Variants in TMEM178B observed in about 807,000 individuals in gnomAD.
TMEM178B encodes transmembrane protein 178B.
A neutral mutation model predicts 31.0 loss-of-function variants in TMEM178B; 5 were observed. The observed-to-expected ratio is 0.16, with a 90% CI of 0.08 to 0.34. The LOEUF is 0.34. Ranked by LOEUF, TMEM178B falls within the 10% of genes least tolerant of loss-of-function variation. TMEM178B has a pLI of 1.00. For missense variants in TMEM178B, 275 were observed against 400.3 expected, an observed-to-expected ratio of 0.69 and a Z score of 2.67; for synonymous variants, 164 against 164.0, an observed-to-expected ratio of 1.00 and a Z score of 0.00.
chr7:141,276,607 A>G (rs1667950852), intron 2 of TMEM178B, among the ~76,000 whole-genome samples: 1 of 110,486 alleles, frequency 9.1e-6, no homozygotes, highest in East Asian at 2.0e-4. Context: ...AGCTGCCCCC[A>G]TGCTTCAATT....
At chr7:141,158,005 C>T (rs958815885) in intron 1 of TMEM178B, among the ~76,000 whole-genome samples, 4 of 152,198 alleles carry the variant, frequency 2.6e-5, no homozygotes, top group African/African-American at 4.8e-5. Flanking sequence ...TAGGCCAGCA[C>T]GAGTCCCACT....
chr7:141,369,495 T>C (rs1223426955), intron 2 of TMEM178B, among the ~76,000 whole-genome samples: 1 of 152,130 alleles, frequency 6.6e-6, no homozygotes, highest in East Asian at 1.9e-4. Flanking sequence ...TCCAGCTGTT[T>C]AAAATGGCTG....
intron 1 of TMEM178B, among the ~76,000 whole-genome samples, chr7:141,152,652 A>C (rs1172228757): frequency 6.6e-6 from 1 of 152,136 alleles, no homozygotes; most frequent in Non-Finnish European, 1.5e-5. Context: ...TGGGAGGTGG[A>C]AAGTGGGCTC....
chr7:141,496,032 G>A, the TMEM178B span, among the ~76,000 whole-genome samples: 14 of 152,278 alleles, frequency 9.2e-5, no homozygotes, highest in Non-Finnish European at 1.8e-4. Context: ...TGAACTTGGG[G>A]ATTCGGCCAT....
chr7:141,126,234 T>C (rs1795492861), intron 1 of TMEM178B, among the ~76,000 whole-genome samples: 1 of 152,118 alleles, frequency 6.6e-6, no homozygotes, highest in Non-Finnish European at 1.5e-5. Flanking sequence ...GGGAAGAACA[T>C]TCTAAGCTGA....
At chr7:141,419,524 C>T (rs1274176749) in intron 2 of TMEM178B, among the ~76,000 whole-genome samples, 3 of 152,218 alleles carry the variant, frequency 2.0e-5, no homozygotes, top group East Asian at 1.9e-4. Flanking sequence ...GTCTCTAAGA[C>T]TTTCTTCCTC....
intron 2 of TMEM178B, among the ~76,000 whole-genome samples, chr7:141,381,454 G>A (rs899953879): frequency 3.9e-5 from 6 of 152,208 alleles, no homozygotes; most frequent in Admixed American, 2.6e-4. Flanking sequence ...AGAAGAAGCA[G>A]TGTTTGTTTT....
At chr7:141,382,500 A>G (rs997456272) in intron 2 of TMEM178B, among the ~76,000 whole-genome samples, 1 of 152,144 alleles carries the variant, frequency 6.6e-6, no homozygotes, top group African/African-American at 2.4e-5. Flanking sequence ...ACACTCATAA[A>G]TTATGTTTTC....
chr7:141,509,377 C>T, the TMEM178B span, among the ~76,000 whole-genome samples: 13 of 152,134 alleles, frequency 8.5e-5, no homozygotes, highest in South Asian at 2.1e-4. Flanking sequence ...AGGCCAGGCA[C>T]GGTGGCTCAT....
rs531104117 is a variant in TMEM178B at position 141,454,248 on chromosome 7, G to A, written c.635-16288G>A. ...TAGCATGGCTAAGGGAAGTGGGGCA[G>A]CCATTCTCTTCTCACCTCGGCATTC... On this transcript the variant is annotated intron_variant, in intron 3 of 3. Transcript: ENST00000565468. Among the ~76,000 whole-genome samples the A allele has an allele frequency of 2.0e-5, 3 of 152,290 alleles. No individual in the cohort carries two copies. In the South Asian group the frequency reaches 6.2e-4, roughly 32 times the overall value.
chr7:141,336,017 C>T (rs1799379665), intron 2 of TMEM178B, among the ~76,000 whole-genome samples: 1 of 152,232 alleles, frequency 6.6e-6, no homozygotes, highest in Non-Finnish European at 1.5e-5. Flanking sequence ...CACCGTCTCA[C>T]TACTGACAAT....
intron 2 of TMEM178B, among the ~76,000 whole-genome samples, chr7:141,302,881 C>T (rs539985051): frequency 1.1e-4 from 16 of 152,272 alleles, no homozygotes; most frequent in South Asian, 2.1e-4. Context: ...ACTTGACCTC[C>T]GGGCACAGAA....
At chr7:141,228,629 C>T (rs1797385439) in intron 2 of TMEM178B, among the ~76,000 whole-genome samples, 1 of 152,194 alleles carries the variant, frequency 6.6e-6, no homozygotes, top group African/African-American at 2.4e-5. Flanking sequence ...GTCAGGATCT[C>T]CAGTGCAGCC....
At chr7:141,231,989 G>A (rs1225966724) in intron 2 of TMEM178B, among the ~76,000 whole-genome samples, 1 of 152,066 alleles carries the variant, frequency 6.6e-6, no homozygotes, top group Non-Finnish European at 1.5e-5. Context: ...GCCCTGGTGT[G>A]TGATGTTCCC....
chr7:141,268,509 G>T (rs531275388), intron 2 of TMEM178B, among the ~76,000 whole-genome samples: 1 of 152,324 alleles, frequency 6.6e-6, no homozygotes, highest in Non-Finnish European at 1.5e-5. Context: ...ATTAACCACA[G>T]AAACAGTATC....
intron 1 of TMEM178B, among the ~76,000 whole-genome samples, chr7:141,142,060 T>C (rs1795777809): frequency 6.6e-6 from 1 of 152,196 alleles, no homozygotes; most frequent in Non-Finnish European, 1.5e-5. Context: ...CAATAATTAT[T>C]CCACCCTGTC....
chr7:141,152,641 T>A (rs1795995617), intron 1 of TMEM178B, among the ~76,000 whole-genome samples: 1 of 152,018 alleles, frequency 6.6e-6, no homozygotes, highest in Non-Finnish European at 1.5e-5. Flanking sequence ...TAGCAGGGAA[T>A]TGGGAGGTGG....
chr7:141,226,194 C>T (rs564910468), intron 2 of TMEM178B, among the ~76,000 whole-genome samples: 63 of 152,186 alleles, frequency 4.1e-4, no homozygotes, highest in African/African-American at 1.5e-3. Context: ...GTCACCTCCT[C>T]CCCAGAGCTC....
In TMEM178B at chr7:141,408,513, A is replaced by G. The variant is rs561556913; in HGVS notation, c.497-29095A>G. Among the ~76,000 whole-genome samples, 5 of 152,312 alleles carry G rather than the reference A, an allele frequency of 3.3e-5. No homozygotes were observed. In the South Asian group the frequency reaches 8.3e-4, roughly 25 times the overall value. On this transcript the variant is annotated intron_variant, in intron 2 of 3. Transcript: ENST00000565468. ...TTCCCAGAGTGGCAGGGCTGCTGCA[A>G]GGGATCACATTGAGAGAATCACTGT... is the stretch of plus-strand genomic sequence containing the variant.
Sources: allele counts gnomAD v4.1 joint callset (sites outside exome capture counted in the v4.1 genomes callset), GRCh38; gene constraint gnomAD v4.1.1; transcripts MANE v1.5; gene names NCBI Gene and HGNC (gene_info 2026-07-23, HGNC 2026-07-21).